The following XPO5 variants were observed in gnomAD, a reference collection of about 807,000 sequenced individuals.
The protein encoded by XPO5 is exportin-5.
In XPO5, 46 loss-of-function variants were observed where a neutral mutation model predicts 160.6. The ratio of observed to expected loss-of-function variants is 0.29; its 90% CI spans 0.23 to 0.37. The LOEUF (loss-of-function observed/expected upper bound fraction) is 0.37. Among genes scored for constraint, XPO5 ranks in the 10% least tolerant of loss-of-function variants. The pLI, the probability that XPO5 is intolerant of heterozygous loss-of-function variation, is 1.00. For missense variants in XPO5, 1,090 were observed against 1,463.9 expected (o/e 0.74, Z 4.17); for synonymous variants, 537 against 519.3 (o/e 1.03, Z -0.46).
intron 15 of XPO5, 89 bp from the exon 16 acceptor site, chr6:43,550,023 T>C: frequency 1.5e-6 from 2 of 1,356,008 alleles, no homozygotes; most frequent in Non-Finnish European, 2.1e-6. Flanking sequence ...CTTGAATTCC[T>C]GGGCTCAACT....
chr6:43,574,702 G>A (rs1763203319), intron 1 of XPO5, among the ~76,000 whole-genome samples: 1 of 152,146 alleles, frequency 6.6e-6, no homozygotes, highest in Non-Finnish European at 1.5e-5. Context: ...TTCGAGGCAG[G>A]GAGAGAGGAT....
Position 43,523,945 on chromosome 6 carries a change from T to C in XPO5, c.3538A>G (p.Lys1180Glu). Residue 1180 changes from lysine (K) to glutamate (E), a missense_variant, in exon 32 of 32, where the codon AAA becomes GAA. By Grantham distance (56) the Lys-to-Glu change is moderately conservative. Transcript: ENST00000265351. ...VHIKNLPSLF[K>E]KTKPMLETEV... ...GTCTCCAGCATTGGCTTTGTTTTTT[T>C]GAAAAGTGAGGGAAGATTCTTAATG... 1.9e-6 allele frequency: 3 copies of C among 1,614,040 alleles called. No homozygotes were observed. Among genetic ancestry groups the C allele is most frequent in the Non-Finnish European group, 2.5e-6 (3 of 1,179,904 alleles).
intron 26 of XPO5, 127 bp downstream of exon 26, chr6:43,527,507 C>T (rs1293768383): frequency 6.8e-6 from 6 of 876,976 alleles, no homozygotes; most frequent in Admixed American, 2.4e-5. Flanking sequence ...CTTTTGACCT[C>T]GCAATCCACC....
chr6:43,526,455 G>T (rs1395464006), intron 27 of XPO5: 1 of 560,496 alleles, frequency 1.8e-6, no homozygotes, highest in East Asian at 3.0e-5. Context: ...CAAGAGAAAA[G>T]ATCACATATA....
chr6:43,524,648 G>C lies in XPO5; in HGVS notation c.3313-13C>G. On this transcript the variant is annotated splice_polypyrimidine_tract_variant and intron_variant, in intron 30 of 31. Coordinates refer to ENST00000265351, the MANE Select transcript of XPO5 (RefSeq NM_020750.3). ...GGTACCTGGGGCGCTGATATCAGCA[G>C]GGATAAACTTACTGGATGTAGGTTT... is the stretch of plus-strand genomic sequence containing the variant. 1 of 1,611,988 alleles carries C rather than the reference G, an allele frequency of 6.2e-7. No homozygotes were observed. The highest frequency in any genetic ancestry group is 8.5e-7 in the Non-Finnish European group (1 of 1,178,580).
At chr6:43,525,959 C>G (rs1561862752) in intron 27 of XPO5, 38 bp from the exon 28 acceptor site, 1 of 1,607,638 alleles carries the variant, frequency 6.2e-7, no homozygotes, top group East Asian at 2.2e-5. Context: ...TCCATCCTTT[C>G]AGAACAGAGA....
chr6:43,539,734 T>C, intron 20 of XPO5: 1 of 617,402 alleles, frequency 1.6e-6, no homozygotes, highest in Non-Finnish European at 2.8e-6. Flanking sequence ...AAGCTACATT[T>C]TTCTATTCTT....
intron 13 of XPO5, among the ~76,000 whole-genome samples, chr6:43,554,707 G>C (rs1761949798): frequency 6.6e-6 from 1 of 152,174 alleles, no homozygotes; most frequent in African/African-American, 2.4e-5. Context: ...ACAGGCGTGA[G>C]CCACCCTGCC....
chr6:43,529,305 G>A (rs1335357799), intron 23 of XPO5: 2 of 1,062,188 alleles, frequency 1.9e-6, no homozygotes, highest in South Asian at 2.4e-5. Flanking sequence ...CACTTTGGGA[G>A]GCCAAGGCGA....
chr6:43,549,765 C>T (rs1259620140), intron 16 of XPO5, 128 bp downstream of exon 16: 1 of 1,199,938 alleles, frequency 8.3e-7, no homozygotes, highest in African/African-American at 1.5e-5. Flanking sequence ...AGTGGCAAAA[C>T]AACATATATG....
At chr6:43,554,938 CTT>C (rs555442611) in intron 13 of XPO5, 9,530 of 124,950 alleles carry the variant, frequency 0.076, 911 homozygotes, top group African/African-American at 0.28. Context: ...AGTTAATTCA[CTT>C]TTTTTTTTTT....
At chr6:43,553,670 AGAT>A (rs1489891010) in intron 13 of XPO5, 167 bp from the exon 14 acceptor site, 1 of 1,375,206 alleles carries the variant, frequency 7.3e-7, no homozygotes, top group African/African-American at 1.5e-5. Flanking sequence ...GGCAAAGAAA[AGAT>A]GATGTGTGCT....
chr6:43,528,958 A>G (rs775634114), intron 23 of XPO5, 33 bp from the exon 24 acceptor site: 2 of 1,590,102 alleles, frequency 1.3e-6, no homozygotes, highest in Admixed American at 1.7e-5. Context: ...TTTAGTGCAT[A>G]GGCACACATC....
chr6:43,559,984 T>C (rs1051675324), intron 11 of XPO5, among the ~76,000 whole-genome samples, 194 bp downstream of exon 11: 13 of 152,130 alleles, frequency 8.5e-5, no homozygotes, highest in African/African-American at 3.1e-4. Flanking sequence ...GCCCTGCTAA[T>C]TTTTTTGTAT....
intron 7 of XPO5, among the ~76,000 whole-genome samples, chr6:43,566,876 ACATT>A (rs1437242913): frequency 6.6e-6 from 1 of 151,832 alleles, no homozygotes; most frequent in Non-Finnish European, 1.5e-5. Context: ...AGATTCCTTG[ACATT>A]CATTAAGTGA....
rs1050883964 is a variant in XPO5, at chr6:43,537,113, T to C, written c.2343-3106A>G. Among the ~76,000 whole-genome samples, 5 of 151,580 alleles carry C rather than the reference T, an allele frequency of 3.3e-5. No homozygotes were observed. In the South Asian group the frequency reaches 1.0e-3, roughly 32 times the overall value. The stretch of plus-strand genomic sequence containing the variant: ...TCCCGAGTAGCTGGGACTATAAGTG[T>C]GCACCACCACACGTGAATAATTAAA... On this transcript the variant is annotated intron_variant, in intron 20 of 31. Transcript: ENST00000265351.
At chr6:43,563,618 G>A (rs1056798410) in intron 8 of XPO5, among the ~76,000 whole-genome samples, 1 of 152,056 alleles carries the variant, frequency 6.6e-6, no homozygotes, top group East Asian at 1.9e-4. Context: ...ACACATCTAG[G>A]CTATATAGCA....
At chr6:43,559,853 T>C (rs1417764083) in intron 11 of XPO5, among the ~76,000 whole-genome samples, 1 of 152,160 alleles carries the variant, frequency 6.6e-6, no homozygotes, top group Non-Finnish European at 1.5e-5. Flanking sequence ...CTCACTCTCA[T>C]TGCCTAGGCT....
intron 8 of XPO5, among the ~76,000 whole-genome samples, chr6:43,564,487 T>G (rs889990674): frequency 1.3e-5 from 2 of 151,678 alleles, no homozygotes; most frequent in South Asian, 4.2e-4. Flanking sequence ...TGAGATCGCA[T>G]CATTGCACCC....
Sources: allele counts gnomAD v4.1 joint callset (sites outside exome capture counted in the v4.1 genomes callset), GRCh38; gene constraint gnomAD v4.1.1; transcripts MANE v1.5; gene names NCBI Gene and HGNC (gene_info 2026-07-23, HGNC 2026-07-21).